Variants in TRIM67 observed in about 807,000 individuals in gnomAD.
The protein encoded by TRIM67 is tripartite motif-containing protein 67.
TRIM67 carries 39 observed loss-of-function variants against 71.0 expected under a neutral mutation model. That is an observed-to-expected ratio of 0.55 (90% CI 0.43 to 0.72). The LOEUF (loss-of-function observed/expected upper bound fraction) is 0.72, where lower values mean the gene tolerates loss of function less well. Ranked by LOEUF, TRIM67 falls within the 30% of genes least tolerant of loss-of-function variation. The pLI is 0.00. For missense variants in TRIM67, 973 were observed against 1,079.2 expected (o/e 0.90, Z 1.38); for synonymous variants, 481 against 473.9 (o/e 1.01, Z -0.19).
Position 231,163,809 on chromosome 1 carries a change from C to T in TRIM67, c.840C>T (p.Gly280=), listed in dbSNP as rs1279396870. The change falls in exon 1 of 10, where the codon GGC becomes GGT. Residue 280 remains glycine, a synonymous_variant. Coordinates refer to ENST00000366653, the MANE Select transcript of TRIM67 (RefSeq NM_001004342.5). ...TAQGAPSGGG[G]CKSPGGAGAG... ...AGGGCGCCCCCAGCGGAGGCGGCGGCTGCAAGAGCCCGGGAGGCGCGGGGG... is the reference window on the plus strand; with the variant it reads ...AGGGCGCCCCCAGCGGAGGCGGCGGTTGCAAGAGCCCGGGAGGCGCGGGGG... 3 of 1,499,172 alleles carry T rather than the reference C, an allele frequency of 2.0e-6. No individual in the cohort carries two copies. The South Asian group carries it at 3.9e-5, about 19-fold the overall frequency. 92.9% of individuals were successfully genotyped at this position (1,499,172 alleles called of 1,614,324 possible).
Position 231,195,803 on chromosome 1 carries a change from G to T in TRIM67, c.1045-1568G>T, listed in dbSNP as rs144856985. Reference sequence around the variant, plus strand: ...AACCCCCTGGAGGGCTTGGTAAACCGCAGACTCCAGGGCTTCACCCACGAC... The same window carrying T: ...AACCCCCTGGAGGGCTTGGTAAACCTCAGACTCCAGGGCTTCACCCACGAC... On this transcript the variant is annotated intron_variant, in intron 1 of 9. Coordinates refer to ENST00000366653, the MANE Select transcript of TRIM67 (RefSeq NM_001004342.5). Among the ~76,000 whole-genome samples the T allele has an allele frequency of 3.0e-3, 458 of 152,288 alleles. 2 individuals are homozygous for T. Among genetic ancestry groups the T allele is most frequent in the Middle Eastern group, 0.014 (4 of 294 alleles).
rs564866168 is a variant in TRIM67, at chr1:231,213,338, G to A, written c.2124-477G>A. On this transcript the variant is annotated intron_variant, in intron 8 of 9. Transcript: ENST00000366653. ...CTTCATCATGGCCTGTTAACAAGGT[G>A]TGTCCACTGTGAGAGAAGGCTCATG... 3.9e-5 allele frequency among the ~76,000 whole-genome samples: 6 copies of A among 152,286 alleles called. No individual in the cohort carries two copies. The East Asian group carries it at 1.2e-3, about 29-fold the overall frequency.
chr1:231,169,993 C>CTCTTTTTTTTTTTTTTTTTTT (rs1558289994), intron 1 of TRIM67, among the ~76,000 whole-genome samples: 15 of 136,116 alleles, frequency 1.1e-4, no homozygotes, highest in Admixed American at 5.0e-4. Context: ...TTCTTTCTCT[C>CTCTTTTTTTTTTTTTTTTTTT]TTTTTTTTTT....
At chr1:231,213,506 C>A (rs549887649) in intron 8 of TRIM67, among the ~76,000 whole-genome samples, 1 of 152,148 alleles carries the variant, frequency 6.6e-6, no homozygotes, top group Non-Finnish European at 1.5e-5. Context: ...ATGGGAAGAT[C>A]GCTTGAGCCT....
At chr1:231,169,991 C>CTATTTTTTTTTTTTTTTTTTT (rs1342320930) in intron 1 of TRIM67, among the ~76,000 whole-genome samples, 1 of 130,178 alleles carries the variant, frequency 7.7e-6, no homozygotes, top group Non-Finnish European at 1.5e-5. Context: ...TTTTCTTTCT[C>CTATTTTTTTTTTTTTTTTTTT]TCTTTTTTTT....
chr1:231,183,809 C>T (rs181096914), intron 1 of TRIM67, among the ~76,000 whole-genome samples: 21 of 152,256 alleles, frequency 1.4e-4, no homozygotes, highest in African/African-American at 4.6e-4. Flanking sequence ...TGCTATTACC[C>T]GCCTTTTGCA....
At chr1:231,175,747 A>G (rs550552283) in intron 1 of TRIM67, among the ~76,000 whole-genome samples, 37 of 152,340 alleles carry the variant, frequency 2.4e-4, no homozygotes, top group African/African-American at 8.9e-4. Context: ...CCTCACTTAC[A>G]AGATGTGGAG....
At chr1:231,200,021 G>A (rs943061953) in intron 3 of TRIM67, 127 bp from the exon 4 acceptor site, 32 of 675,548 alleles carry the variant, frequency 4.7e-5, no homozygotes, top group Non-Finnish European at 7.5e-5. Context: ...AGAGGAGCTG[G>A]TGCAAGGTGG....
chr1:231,179,257 A>T (rs1682837366), intron 1 of TRIM67, among the ~76,000 whole-genome samples: 2 of 152,328 alleles, frequency 1.3e-5, no homozygotes, highest in East Asian at 3.9e-4. Context: ...GTCTAATCTC[A>T]CATGGCATTC....
At position 231,209,046 on chromosome 1, in the gene TRIM67, T is replaced by G. The variant is rs778244404; in HGVS notation, c.1919T>G (p.Val640Gly). The part of the protein sequence containing the change: ...ATCSSYDDRV[V>G]LGTAAFSKGV... ...TGCAGCAGCTATGACGACCGGGTGG[T>G]GCTGGGCACAGCTGCGTTCTCCAAG... The change falls in exon 8 of 10, where the codon GTG (valine) becomes GGG (glycine). Residue 640 changes from valine (V) to glycine (G), a missense_variant. Transcript: ENST00000366653. This position sits in a 1 kb window ranked among gnomAD's most constrained non-coding sequence, Gnocchi z 4.1. 1 of 1,613,804 alleles carries G rather than the reference T, an allele frequency of 6.2e-7. No individual in the cohort carries two copies. The highest frequency in any genetic ancestry group is 1.7e-5 in the Admixed American group (1 of 60,006).
At chr1:231,186,019 G>T in intron 1 of TRIM67, 1 of 1,402,854 alleles carries the variant, frequency 7.1e-7, no homozygotes, top group Non-Finnish European at 9.7e-7. Flanking sequence ...ATAGGTGCTT[G>T]GGTTGCAGAT....
Position 231,180,364 on chromosome 1 carries a change from C to A in TRIM67, c.1044+16351C>A, listed in dbSNP as rs142898333. Reference sequence around the variant, plus strand: ...CTTATTATCTCTTTAAGATAAAGTTCTATAAAAAGTCTCTAATTAAGAAAA... The same window carrying A: ...CTTATTATCTCTTTAAGATAAAGTTATATAAAAAGTCTCTAATTAAGAAAA... On this transcript the variant is annotated intron_variant, in intron 1 of 9. Transcript: ENST00000366653. Among the ~76,000 whole-genome samples the A allele has an allele frequency of 9.7e-4, 148 of 152,144 alleles. 2 individuals are homozygous for A. The East Asian group carries it at 0.026, about 26-fold the overall frequency.
intron 1 of TRIM67, among the ~76,000 whole-genome samples, chr1:231,177,151 A>T (rs1035721886): frequency 1.3e-5 from 2 of 152,190 alleles, no homozygotes; most frequent in African/African-American, 4.8e-5. Context: ...CCAGAGCACA[A>T]ATAATTGGTG....
Position 231,213,670 on chromosome 1 carries a change from G to C in TRIM67, c.2124-145G>C, listed in dbSNP as rs756010424. ...CTCCTGAGCCTGGGAGGGCGAGGCTGTTGTGCACCGAGATGGCGTCACTGC... is the reference window on the plus strand; with the variant it reads ...CTCCTGAGCCTGGGAGGGCGAGGCTCTTGTGCACCGAGATGGCGTCACTGC... On this transcript the variant is annotated intron_variant, in intron 8 of 9. Transcript: ENST00000366653. The C allele has an allele frequency of 1.0e-4, 99 of 974,952 alleles. No homozygotes were observed. In the Middle Eastern group the frequency reaches 2.6e-3, roughly 26 times the overall value. The allele number at this position is 974,952 out of a possible 1,614,324, so 60.4% of individuals were successfully genotyped here.
At chr1:231,207,755 T>C (rs1683745828) in intron 7 of TRIM67, among the ~76,000 whole-genome samples, 1 of 152,132 alleles carries the variant, frequency 6.6e-6, no homozygotes, top group Non-Finnish European at 1.5e-5. Flanking sequence ...AGAGGAGAGC[T>C]CGCTAGCTTC....
At chr1:231,186,535 T>C (rs970315479) in intron 1 of TRIM67, among the ~76,000 whole-genome samples, 1 of 152,150 alleles carries the variant, frequency 6.6e-6, no homozygotes, top group African/African-American at 2.4e-5. Context: ...TCCCAGCTCC[T>C]TGTAGATCCT....
chr1:231,204,592 C>A (rs753643243), intron 6 of TRIM67, among the ~76,000 whole-genome samples: 2 of 152,174 alleles, frequency 1.3e-5, no homozygotes, highest in Admixed American at 1.3e-4. Context: ...AGCAGGACTC[C>A]ACCCCAACCC....
At chr1:231,186,918 C>T (rs1257339572) in intron 1 of TRIM67, among the ~76,000 whole-genome samples, 1 of 152,174 alleles carries the variant, frequency 6.6e-6, no homozygotes, top group African/African-American at 2.4e-5. Context: ...GCTGTCTGGG[C>T]AGCTTTCATC....
At position 231,185,064 on chromosome 1, in the gene TRIM67, CCTGG is replaced by C. The variant is rs569605469; in HGVS notation, c.1045-12306_1045-12303del. 9.1e-6 allele frequency: 14 copies of C among 1,532,882 alleles called. No homozygotes were observed. In the African/African-American group the frequency reaches 1.7e-4, roughly 18 times the overall value. The allele number at this position is 1,532,882 out of a possible 1,614,324, so 95.0% of individuals were successfully genotyped here. A position where few individuals can be genotyped will look rare whatever the true frequency, so the allele number is the denominator to read the frequency against. On this transcript the variant is annotated intron_variant, in intron 1 of 9. Coordinates refer to ENST00000366653, the MANE Select transcript of TRIM67 (RefSeq NM_001004342.5). ...AGGCTAGTGTGGAGCTGAGCTGGTGCCTGGACTTCCAGAGAGCAGGGCACTTCGG... is the reference window on the plus strand; with the variant it reads ...AGGCTAGTGTGGAGCTGAGCTGGTGCACTTCCAGAGAGCAGGGCACTTCGG...
Sources: allele counts gnomAD v4.1 joint callset (sites outside exome capture counted in the v4.1 genomes callset), GRCh38; gene constraint gnomAD v4.1.1; non-coding constraint Gnocchi (gnomAD v3.1); transcripts MANE v1.5; gene names NCBI Gene and HGNC (gene_info 2026-07-23, HGNC 2026-07-21).